Variants in TRPM3 observed in about 807,000 individuals in gnomAD.
The protein encoded by TRPM3 is transient receptor potential cation channel subfamily M member 3.
Under a neutral mutation model 181.2 loss-of-function variants are expected in TRPM3, and 77 were observed. The observed-to-expected ratio is 0.42, with a 90% confidence interval of 0.35 to 0.51. The LOEUF (loss-of-function observed/expected upper bound fraction) is 0.51. Ranked by LOEUF, TRPM3 falls within the 20% of genes least tolerant of loss-of-function variation. The probability of loss-of-function intolerance (pLI) is 0.01; values close to 1 mark genes in which losing one functional copy is unlikely to be tolerated. For synonymous variants in TRPM3, 745 were observed against 796.4 expected (o/e 0.94, Z 1.09); for missense variants, 1,759 against 2,196.7 (o/e 0.80, Z 3.98).
chr9:70,911,133 A>G (rs2096533286), intron 1 of TRPM3, among the ~76,000 whole-genome samples: 1 of 152,226 alleles, frequency 6.6e-6, no homozygotes, highest in South Asian at 2.1e-4. Context: ...AAGAAGAAAT[A>G]TCTTAATAAC....
rs181991689 is a variant in TRPM3, at chr9:71,351,744, C to T, written c.183+94909G>A. On this transcript the variant is annotated intron_variant, in intron 1 of 24. Coordinates refer to the TRPM3 transcript ENST00000357533. ...ATATATTTGTTGGGTTATGTGCTTA[C>T]ACAGAAAGATATTTTTAAATGTCCT... Among the ~76,000 whole-genome samples, 486 of 151,822 alleles carry T rather than the reference C, an allele frequency of 3.2e-3. 2 individuals carry two copies. The highest frequency in any genetic ancestry group is 0.011 in the African/African-American group (465 of 41,390).
At chr9:71,340,361 G>T (rs536140313) in intron 1 of TRPM3, among the ~76,000 whole-genome samples, 39 of 152,204 alleles carry the variant, frequency 2.6e-4, no homozygotes, top group African/African-American at 9.1e-4. Context: ...TTGGTGAAAT[G>T]GTTTGGCTGT....
At chr9:70,892,853 A>C (rs913040826) in intron 1 of TRPM3, among the ~76,000 whole-genome samples, 1 of 152,236 alleles carries the variant, frequency 6.6e-6, no homozygotes, top group Admixed American at 6.5e-5. Flanking sequence ...GTTGAACAAC[A>C]AAATAATATT....
intron 1 of TRPM3, among the ~76,000 whole-genome samples, chr9:70,935,466 GTT>G (rs1364121208): frequency 6.6e-6 from 1 of 152,286 alleles, no homozygotes; most frequent in African/African-American, 2.4e-5. Flanking sequence ...TACCTAACAT[GTT>G]TTTCTCTCAC....
chr9:70,976,570 T>C (rs561422036), intron 1 of TRPM3, among the ~76,000 whole-genome samples: 1 of 152,332 alleles, frequency 6.6e-6, no homozygotes, highest in South Asian at 2.1e-4. Flanking sequence ...TACACTACAA[T>C]TTAAGAACGT....
At chr9:71,120,099 A>T (rs1223167488) in intron 1 of TRPM3, among the ~76,000 whole-genome samples, 28 of 152,180 alleles carry the variant, frequency 1.8e-4, no homozygotes, top group Non-Finnish European at 1.5e-5. Flanking sequence ...AATCTTACCT[A>T]ACCAGAACAC....
At chr9:71,065,844 A>T (rs1269883183) in intron 1 of TRPM3, among the ~76,000 whole-genome samples, 1 of 152,178 alleles carries the variant, frequency 6.6e-6, no homozygotes, top group Non-Finnish European at 1.5e-5. Context: ...GGAGAGCAGC[A>T]ACACAATACG....
chr9:71,173,877 T>C (rs994137033), intron 1 of TRPM3, among the ~76,000 whole-genome samples: 8 of 152,196 alleles, frequency 5.3e-5, no homozygotes, highest in Non-Finnish European at 1.5e-5. Flanking sequence ...GACAATGAAT[T>C]TGGCAAATAA....
rs201308976 is a variant in TRPM3 at position 70,537,083 on chromosome 9, G to C, written c.4030C>G (p.Pro1344Ala). ...TAGAAAGAATGGCTTCGCATACGGG[G>C]CATTAAGGTTGGAGAAGTTGGGGAC... ...TMSPTSPTLM[P>A]RMRSHSFYSV... is the part of the protein sequence containing the mutation. Residue 1344 changes from proline (P) to alanine (A), a missense_variant, in exon 26 of 26, where the codon CCC (proline) becomes GCC (alanine). Physicochemically the swap from Pro to Ala is conservative, Grantham distance 27 (BLOSUM62 -1). Coordinates refer to ENST00000677713, the MANE Select transcript of TRPM3 (RefSeq NM_001366145.2). 1 of 1,610,738 alleles carries C rather than the reference G, an allele frequency of 6.2e-7. No individual in the cohort carries two copies. The highest frequency in any genetic ancestry group is 8.5e-7 in the Non-Finnish European group (1 of 1,177,108).
chr9:71,125,008 A>T (rs985184575), upstream of TRPM3, among the ~76,000 whole-genome samples: 1 of 152,192 alleles, frequency 6.6e-6, no homozygotes, highest in Non-Finnish European at 1.5e-5. Context: ...GCTCTAATAT[A>T]TGGATGTAGT....
intron 1 of TRPM3, among the ~76,000 whole-genome samples, chr9:70,958,759 A>C (rs1044400648): frequency 2.0e-5 from 3 of 151,830 alleles, no homozygotes; most frequent in Non-Finnish European, 2.9e-5. Flanking sequence ...AACCAACCCA[A>C]ATATCCAACA....
chr9:71,017,332 C>A (rs914921759), intron 1 of TRPM3, among the ~76,000 whole-genome samples: 4 of 151,548 alleles, frequency 2.6e-5, no homozygotes, highest in Admixed American at 1.3e-4. Flanking sequence ...CCTATTTGAA[C>A]CAAAATATAC....
At chr9:70,537,468 CAAGGATA>C in intron 25 of TRPM3, 63 bp from the exon 26 acceptor site, 1 of 1,378,360 alleles carries the variant, frequency 7.3e-7, no homozygotes. Context: ...CTTTAGAGAG[CAAGGATA>C]AAGGGATCAC....
At chr9:71,369,909 C>G (rs1178599996) in intron 1 of TRPM3, among the ~76,000 whole-genome samples, 1 of 152,170 alleles carries the variant, frequency 6.6e-6, no homozygotes. Context: ...CATGTGCTCA[C>G]TTCATGTCTG....
chr9:70,990,509 C>A (rs1233583676), intron 1 of TRPM3, among the ~76,000 whole-genome samples: 1 of 152,056 alleles, frequency 6.6e-6, no homozygotes, highest in Non-Finnish European at 1.5e-5. Context: ...ACGGTGATTC[C>A]CTAGATCCCT....
chr9:70,996,225 T>G (rs2097540347), intron 1 of TRPM3, among the ~76,000 whole-genome samples: 1 of 152,214 alleles, frequency 6.6e-6, no homozygotes, highest in South Asian at 2.1e-4. Flanking sequence ...GCAGATTATA[T>G]AAAGGGGTTA....
chr9:71,306,488 C>CTTT (rs1279855410), intron 1 of TRPM3, among the ~76,000 whole-genome samples: 1 of 152,072 alleles, frequency 6.6e-6, no homozygotes, highest in African/African-American at 2.4e-5. Context: ...CTCAGTTTGT[C>CTTT]TTTTTTATAT....
At chr9:70,660,263 G>A (rs908814493) in intron 9 of TRPM3, among the ~76,000 whole-genome samples, 16 of 152,052 alleles carry the variant, frequency 1.1e-4, no homozygotes, top group African/African-American at 3.4e-4. Flanking sequence ...GGACCAACTT[G>A]CCTCCCATTC....
Position 71,128,319 on chromosome 9 carries a change from A to G in TRPM3, c.184-263808T>C, listed in dbSNP as rs147046516. On this transcript the variant is annotated intron_variant, in intron 1 of 24. Coordinates refer to the TRPM3 transcript ENST00000357533. ...ACCTTACCAAAAATAGAAATCCTAC[A>G]TATACACCTACCAAAAAATGTATAA... Among the ~76,000 whole-genome samples, 18 of 152,318 alleles carry G rather than the reference A, an allele frequency of 1.2e-4. No individual in the cohort carries two copies. The East Asian group carries it at 3.3e-3, about 28-fold the overall frequency.
Sources: allele counts gnomAD v4.1 joint callset (sites outside exome capture counted in the v4.1 genomes callset), GRCh38; gene constraint gnomAD v4.1.1; transcripts MANE v1.5; gene names NCBI Gene and HGNC (gene_info 2026-07-23, HGNC 2026-07-21).